RNF216: variants seen among roughly 807,000 people sequenced by gnomAD.
RNF216 encodes E3 ubiquitin-protein ligase RNF216.
In RNF216, 72 loss-of-function variants were observed where a neutral mutation model predicts 110.8. The observed-to-expected ratio is 0.65, with a 90% CI of 0.54 to 0.79. The LOEUF is 0.79. Among genes scored for constraint, RNF216 ranks in the 30% least tolerant of loss-of-function variants. The pLI, the probability that RNF216 is intolerant of heterozygous loss-of-function variation, is 0.00. For synonymous variants in RNF216, 495 were observed against 407.5 expected, an observed-to-expected ratio of 1.21 and a Z score of -2.59; for missense variants, 1,342 against 1,141.2, an observed-to-expected ratio of 1.18 and a Z score of -2.54.
chr7:5,628,593 G>C (rs1023309392), intron 15 of RNF216, among the ~76,000 whole-genome samples: 11 of 152,150 alleles, frequency 7.2e-5, no homozygotes, highest in South Asian at 6.2e-4. Flanking sequence ...CACCATCATA[G>C]ATCACTGCAG....
At chr7:5,653,600 CAAAAA>C (rs34530431) in intron 13 of RNF216, among the ~76,000 whole-genome samples, 19 of 50,498 alleles carry the variant, frequency 3.8e-4, no homozygotes, top group African/African-American at 1.6e-3. Context: ...GACTCTGTCT[CAAAAA>C]AAAAAAAAAA....
rs1268286037 is a variant in RNF216 at position 5,734,224 on chromosome 7, T to C, written c.1122-3407A>G. Among the ~76,000 whole-genome samples the C allele has an allele frequency of 2.6e-5, 4 of 152,054 alleles. No homozygotes were observed. In the East Asian group the frequency reaches 5.8e-4, roughly 22 times the overall value. On this transcript the variant is annotated intron_variant, in intron 5 of 16. Coordinates refer to ENST00000389902, the MANE Select transcript of RNF216 (RefSeq NM_207111.4). ...AACTCAAATGCCTATCAAAAGTAGA[T>C]GGAAAATTTCATTGCTAAGTGGTAT...
chr7:5,771,237 T>C (rs904514457), intron 1 of RNF216, among the ~76,000 whole-genome samples: 1 of 152,162 alleles, frequency 6.6e-6, no homozygotes, highest in Non-Finnish European at 1.5e-5. Flanking sequence ...AACAACCCCT[T>C]CCTCATGCCT....
intron 10 of RNF216, among the ~76,000 whole-genome samples, chr7:5,715,708 T>C (rs892253343): frequency 6.6e-6 from 1 of 151,500 alleles, no homozygotes; most frequent in East Asian, 1.9e-4. Flanking sequence ...TTATTAACTA[T>C]AGCAACGGAT....
chr7:5,673,154 C>A (rs140248700), intron 13 of RNF216, among the ~76,000 whole-genome samples: 2,669 of 152,256 alleles, frequency 0.018, 35 homozygotes, highest in Non-Finnish European at 0.028. Flanking sequence ...AATGCCCCAC[C>A]TGCGGGCAGT....
chr7:5,670,408 A>G (rs1034593111), intron 13 of RNF216, among the ~76,000 whole-genome samples: 19 of 152,300 alleles, frequency 1.2e-4, no homozygotes, highest in African/African-American at 4.6e-4. Context: ...TGCCAAAAGG[A>G]GACACCCAGA....
intron 13 of RNF216, among the ~76,000 whole-genome samples, chr7:5,655,719 C>T (rs1788698779): frequency 6.8e-6 from 1 of 148,110 alleles, no homozygotes; most frequent in Non-Finnish European, 1.5e-5. Context: ...TTGGAGCTCT[C>T]TCTGTGTAGT....
intron 13 of RNF216, among the ~76,000 whole-genome samples, chr7:5,678,108 C>A (rs1229603393): frequency 2.0e-5 from 3 of 152,160 alleles, no homozygotes; most frequent in Non-Finnish European, 2.9e-5. Context: ...TGACGCCCCA[C>A]TGTGGAGCCA....
chr7:5,765,899 G>A (rs1352027307), intron 1 of RNF216, among the ~76,000 whole-genome samples: 1 of 146,648 alleles, frequency 6.8e-6, no homozygotes, highest in Non-Finnish European at 1.5e-5. Context: ...GTTGCAGTGA[G>A]CCCAGATTGC....
intron 13 of RNF216, among the ~76,000 whole-genome samples, chr7:5,659,060 T>C (rs1788932091): frequency 6.6e-6 from 1 of 152,126 alleles, no homozygotes; most frequent in South Asian, 2.1e-4. Context: ...GAAAGACTTC[T>C]AGGCTTCTGA....
At chr7:5,738,430 T>C (rs1484510463) in intron 5 of RNF216, among the ~76,000 whole-genome samples, 1 of 152,068 alleles carries the variant, frequency 6.6e-6, no homozygotes, top group Non-Finnish European at 1.5e-5. Flanking sequence ...GAAATATGGC[T>C]GGGAGCGGTG....
intron 13 of RNF216, among the ~76,000 whole-genome samples, chr7:5,691,135 G>A (rs1357188672): frequency 6.6e-6 from 1 of 152,182 alleles, no homozygotes; most frequent in Non-Finnish European, 1.5e-5. Flanking sequence ...TTCTCTAACC[G>A]TGTGTGTAGA....
chr7:5,740,891 T>C lies in RNF216; in HGVS notation c.1044+82A>G, dbSNP rs539241101. On this transcript the variant is annotated intron_variant, in intron 4 of 16. Transcript: ENST00000389902. ...AATGAAGTCCACGCATACCAACAAC[T>C]TTTTTTTTTGCAATGAAAAAAAAAA... 15 of 952,474 alleles carry C rather than the reference T, an allele frequency of 1.6e-5. No individual in the cohort carries two copies. In the South Asian group the frequency reaches 3.2e-4, roughly 20 times the overall value. The allele number at this position is 952,474 out of a possible 1,614,324, so 59.0% of individuals were successfully genotyped here.
intron 13 of RNF216, among the ~76,000 whole-genome samples, chr7:5,678,745 C>A (rs768207780): frequency 5.9e-5 from 9 of 152,248 alleles, no homozygotes; most frequent in Non-Finnish European, 1.3e-4. Context: ...AGAGCTACAG[C>A]AGTGGGACAA....
intron 9 of RNF216, among the ~76,000 whole-genome samples, chr7:5,719,847 G>C (rs1793303886): frequency 6.6e-6 from 1 of 152,190 alleles, no homozygotes; most frequent in African/African-American, 2.4e-5. Flanking sequence ...TTGTGGCTCA[G>C]TTGCATAAGT....
At chr7:5,630,417 G>A (rs1036589508) in intron 15 of RNF216, among the ~76,000 whole-genome samples, 2 of 151,994 alleles carry the variant, frequency 1.3e-5, no homozygotes, top group Non-Finnish European at 2.9e-5. Context: ...GTCTTGCTCA[G>A]CCCAGGGTGG....
At chr7:5,725,608 T>C (rs1793703441) in intron 7 of RNF216, among the ~76,000 whole-genome samples, 170 bp from the exon 8 acceptor site, 1 of 152,162 alleles carries the variant, frequency 6.6e-6, no homozygotes, top group Admixed American at 6.5e-5. Context: ...CCCAACACTT[T>C]GGGAGGCCAA....
At chr7:5,746,126 T>C (rs920875390) in intron 3 of RNF216, among the ~76,000 whole-genome samples, 1 of 152,164 alleles carries the variant, frequency 6.6e-6, no homozygotes, top group Non-Finnish European at 1.5e-5. Flanking sequence ...AGTAACGTTT[T>C]CCTCATGGAG....
chr7:5,691,543 T>C (rs1472822599), intron 13 of RNF216, among the ~76,000 whole-genome samples: 1 of 152,040 alleles, frequency 6.6e-6, no homozygotes, highest in African/African-American at 2.4e-5. Flanking sequence ...AGAGGGGGAA[T>C]GTGTGTGTGA....
Sources: allele counts gnomAD v4.1 joint callset (sites outside exome capture counted in the v4.1 genomes callset), GRCh38; gene constraint gnomAD v4.1.1; transcripts MANE v1.5; gene names NCBI Gene and HGNC (gene_info 2026-07-23, HGNC 2026-07-21).